STK11: variants seen among roughly 807,000 people sequenced by gnomAD.
STK11 encodes the protein serine/threonine kinase 11.
In STK11, 8 loss-of-function variants were observed where a neutral mutation model predicts 47.3. The observed-to-expected ratio is 0.17, with a 90% CI of 0.10 to 0.31. The LOEUF is 0.31. STK11 is among the 10% of genes least tolerant of loss of function. The pLI is 1.00. For missense variants in STK11, 475 were observed against 605.0 expected, an observed-to-expected ratio of 0.79 and a Z score of 2.25; for synonymous variants, 330 against 255.8, an observed-to-expected ratio of 1.29 and a Z score of -2.77.
At chr19:1,222,305 CCT>C (rs1186187131) in intron 7 of STK11, among the ~76,000 whole-genome samples, 2 of 152,232 alleles carry the variant, frequency 1.3e-5, no homozygotes, top group African/African-American at 4.8e-5. Context: ...CTGGCGAGAG[CCT>C]CTCTTTTTCC....
intron 1 of STK11, among the ~76,000 whole-genome samples, chr19:1,217,727 A>G (rs1368046252): frequency 6.6e-6 from 1 of 152,110 alleles, no homozygotes; most frequent in Non-Finnish European, 1.5e-5. Flanking sequence ...GGACCCTCGG[A>G]GTTGGGAGCC....
chr19:1,206,637 G>T lies in STK11; in HGVS notation c.-277G>T, dbSNP rs1249680182. The T allele has an allele frequency of 3.9e-6, 2 of 515,190 alleles. No individual in the cohort carries two copies. Among genetic ancestry groups the T allele is most frequent in the Admixed American group, 3.6e-5 (1 of 27,554 alleles). The allele number at this position is 515,190 out of a possible 1,614,324, so 31.9% of individuals were successfully genotyped here. A position where few individuals can be genotyped will look rare whatever the true frequency, so the allele number is the denominator to read the frequency against. On this transcript the variant is annotated 5_prime_UTR_variant, in exon 1 of 10. Coordinates refer to ENST00000326873, the MANE Select transcript of STK11 (RefSeq NM_000455.5). ...GCCGTCTCCCAGTTCTGAGGCCCGG[G>T]TCCCACTGGAACTCGCGTCTGAGCC... is the stretch of plus-strand genomic sequence containing the variant.
In STK11 at chr19:1,227,708, C is replaced by G; in HGVS notation, c.*132C>G. 1.9e-6 allele frequency: 2 copies of G among 1,070,466 alleles called. No individual in the cohort carries two copies. Among genetic ancestry groups the G allele is most frequent in the Non-Finnish European group, 2.3e-6 (2 of 882,462 alleles). 66.3% of individuals were successfully genotyped at this position (1,070,466 alleles called of 1,614,324 possible). ...CTTCTGTGCCGACCACGCCCCAGGA[C>G]CTCCGGAGCGCCCTGCAGGGCCGGG... is the stretch of plus-strand genomic sequence containing the variant. On this transcript the variant is annotated 3_prime_UTR_variant, in exon 10 of 10. Transcript: ENST00000326873.
intron 8 of STK11, 28 bp from the exon 9 acceptor site, chr19:1,226,426 C>T (rs1201992830): frequency 1.9e-6 from 3 of 1,603,898 alleles, no homozygotes; most frequent in Non-Finnish European, 1.7e-6. Context: ...CCCCTCAGCT[C>T]AGGCCACACT....
rs745809310 is a variant in STK11 at position 1,223,191 on chromosome 19, C to T, written c.1108+19C>T. 12 of 1,601,882 alleles carry T rather than the reference C, an allele frequency of 7.5e-6. No homozygotes were observed. Among genetic ancestry groups the T allele is most frequent in the Non-Finnish European group, 8.5e-6 (10 of 1,176,094 alleles). On this transcript the variant is annotated intron_variant, in intron 8 of 9. Coordinates refer to ENST00000326873, the MANE Select transcript of STK11 (RefSeq NM_000455.5). ...GTGCCCGGTGAGTCTGGCGGGGGCC[C>T]CTGCCCGGCTCTGCTGACTCGGCCA...
chr19:1,225,940 G>A (rs1308302013), intron 8 of STK11: 2 of 992,948 alleles, frequency 2.0e-6, no homozygotes, highest in African/African-American at 1.7e-5. Flanking sequence ...AGCAGGGACT[G>A]GGGGCAGCTG....
intron 1 of STK11, 37 bp downstream of exon 1, chr19:1,207,240 C>A (rs900952195): frequency 2.6e-6 from 4 of 1,560,682 alleles, no homozygotes; most frequent in Non-Finnish European, 3.5e-6. Context: ...CCGGGCCGGG[C>A]CAGTCACGGT....
chr19:1,223,425 G>C (rs1243073294), intron 8 of STK11, among the ~76,000 whole-genome samples: 1 of 152,212 alleles, frequency 6.6e-6, no homozygotes. Context: ...GCGTCTCTCC[G>C]GGTGCTGCCC....
At chr19:1,212,875 G>A (rs1042287932) in intron 1 of STK11, among the ~76,000 whole-genome samples, 1 of 151,602 alleles carries the variant, frequency 6.6e-6, no homozygotes, top group Non-Finnish European at 1.5e-5. Context: ...ATAGAGACAA[G>A]GGCTTGCTGT....
At chr19:1,212,765 C>T (rs913691546) in intron 1 of STK11, among the ~76,000 whole-genome samples, 12 of 151,620 alleles carry the variant, frequency 7.9e-5, no homozygotes, top group Non-Finnish European at 1.6e-4. Flanking sequence ...AGTATGGTCT[C>T]GATCTCCTGA....
At chr19:1,209,053 C>T (rs2080691256) in intron 1 of STK11, among the ~76,000 whole-genome samples, 1 of 152,118 alleles carries the variant, frequency 6.6e-6, no homozygotes, top group Non-Finnish European at 1.5e-5. Flanking sequence ...TCCACGAGGC[C>T]TTTCTGATGT....
At chr19:1,226,713 G>A in intron 9 of STK11, 50 bp downstream of exon 9, 1 of 1,442,748 alleles carries the variant, frequency 6.9e-7, no homozygotes, top group Non-Finnish European at 9.1e-7. Flanking sequence ...ACGCCTGGAT[G>A]CCACAGCCAG....
intron 8 of STK11, chr19:1,225,745 C>A: frequency 1.0e-6 from 1 of 985,542 alleles, no homozygotes; most frequent in South Asian, 4.7e-5. Context: ...GGAGGGGCCT[C>A]GGGGATGGCT....
chr19:1,217,993 A>T (rs1339460363), intron 1 of STK11, among the ~76,000 whole-genome samples: 3 of 152,150 alleles, frequency 2.0e-5, no homozygotes, highest in Admixed American at 6.5e-5. Flanking sequence ...AATACAAAAA[A>T]ATTAGCCGGC....
Position 1,207,211 on chromosome 19 carries a change from T to TG in STK11, c.290+10dup. The TG allele has an allele frequency of 6.3e-7, 1 of 1,594,196 alleles. No individual in the cohort carries two copies. Among genetic ancestry groups the TG allele is most frequent in the Non-Finnish European group, 8.5e-7 (1 of 1,170,300 alleles). ...GGAGGCCAACGTGAAGAAGTAAGTA[T>TG]GGCTTGCTGGGGTCGGGGCCGGGCC... On this transcript the variant is annotated intron_variant, in intron 1 of 9. Transcript: ENST00000326873.
intron 8 of STK11, chr19:1,223,549 C>T: frequency 9.4e-7 from 1 of 1,061,378 alleles, no homozygotes; most frequent in Non-Finnish European, 1.2e-6. Flanking sequence ...CCTCAGACAG[C>T]TGGCATGAGA....
chr19:1,214,690 C>T (rs1057074159), intron 1 of STK11, among the ~76,000 whole-genome samples: 2 of 152,222 alleles, frequency 1.3e-5, no homozygotes, highest in Non-Finnish European at 2.9e-5. Flanking sequence ...CTCACTGCCC[C>T]TCCTCAGGGT....
chr19:1,228,059 CTTTTTTT>C lies in STK11; in HGVS notation c.*488_*494del, dbSNP rs903142806. 3.6e-6 allele frequency: 3 copies of C among 836,016 alleles called. No individual in the cohort carries two copies. Among genetic ancestry groups the C allele is most frequent in the East Asian group, 6.6e-5 (1 of 15,160 alleles). The allele number at this position is 836,016 out of a possible 1,614,324, so 51.8% of individuals were successfully genotyped here. Reference sequence around the variant, plus strand: ...TTGGTTGGTTCCATTTTCTTTTTTTCTTTTTTTTTTTAAGAAAAAATAAAAGGTGGAT... The same window carrying C: ...TTGGTTGGTTCCATTTTCTTTTTTTCTTTTAAGAAAAAATAAAAGGTGGAT... On this transcript the variant is annotated 3_prime_UTR_variant, in exon 10 of 10. Transcript: ENST00000326873.
At chr19:1,212,589 G>A (rs1490886164) in intron 1 of STK11, among the ~76,000 whole-genome samples, 1 of 151,848 alleles carries the variant, frequency 6.6e-6, no homozygotes, top group African/African-American at 2.4e-5. Flanking sequence ...TTTTTGAGAC[G>A]GAGTCTCGCT....
Sources: gnomAD v4.1 joint callset for allele counts (sites outside exome capture counted in the v4.1 genomes callset) on GRCh38, gnomAD v4.1.1 for gene constraint, MANE v1.5 for transcripts, NCBI Gene and HGNC (gene_info 2026-07-23, HGNC 2026-07-21) for gene names.